IL18: variants seen among roughly 807,000 people sequenced by gnomAD.
IL18 encodes interleukin 18.
IL18 carries 8 observed loss-of-function variants against 14.2 expected under a neutral mutation model. The ratio of observed to expected loss-of-function variants is 0.56; its 90% CI spans 0.33 to 1.01. The LOEUF is 1.01. Among genes scored for constraint, IL18 ranks in the 50% least tolerant of loss-of-function variants. The pLI, the probability that IL18 is intolerant of heterozygous loss-of-function variation, is 0.03. For missense variants in IL18, 166 were observed against 231.1 expected, an observed-to-expected ratio of 0.72 and a Z score of 1.83; for synonymous variants, 67 against 71.0, an observed-to-expected ratio of 0.94 and a Z score of 0.28.
intron 1 of IL18, among the ~76,000 whole-genome samples, chr11:112,163,534 A>G (rs948062549): frequency 9.2e-5 from 14 of 152,228 alleles, no homozygotes; most frequent in African/African-American, 3.1e-4. Flanking sequence ...GCAGATCTAT[A>G]TGGCTTCTAT....
chr11:112,163,590 A>C (rs1485825538), intron 1 of IL18, among the ~76,000 whole-genome samples: 2 of 140,930 alleles, frequency 1.4e-5, no homozygotes, highest in Non-Finnish European at 3.2e-5. Flanking sequence ...GTCACTCTTT[A>C]TGCTTTTTTT....
intron 2 of IL18, among the ~76,000 whole-genome samples, chr11:112,154,601 C>T (rs1461620483): frequency 6.6e-6 from 1 of 152,088 alleles, no homozygotes; most frequent in East Asian, 1.9e-4. Context: ...GAATCTCTTA[C>T]ATAATTTGCC....
intron 4 of IL18, 125 bp downstream of exon 4, chr11:112,149,947 G>A (rs1476592303): frequency 1.1e-6 from 1 of 914,562 alleles, no homozygotes; most frequent in Non-Finnish European, 1.6e-6. Context: ...TCCTGTAAGT[G>A]AAATTATTGT....
At chr11:112,158,178 C>T (rs5744235) in intron 1 of IL18, among the ~76,000 whole-genome samples, 1,618 of 152,046 alleles carry the variant, frequency 0.011, 9 homozygotes, top group Non-Finnish European at 0.018. Flanking sequence ...GTGAGGGGGG[C>T]GGGTTTCTCC....
Position 112,160,680 on chromosome 11 carries a change from T to C in IL18, c.-9+3226A>G, listed in dbSNP as rs5744233. Among the ~76,000 whole-genome samples the C allele has an allele frequency of 6.7e-3, 1,014 of 152,196 alleles. 15 individuals are homozygous for C. Among genetic ancestry groups the C allele is most frequent in the East Asian group, 0.023 (119 of 5,174 alleles). Reference sequence around the variant, plus strand: ...GCCATGACAACAGCGTAGAAAGGGATGTGTAGAATATATATATTTTTTCTA... The same window carrying C: ...GCCATGACAACAGCGTAGAAAGGGACGTGTAGAATATATATATTTTTTCTA... On this transcript the variant is annotated intron_variant, in intron 1 of 5. Transcript: ENST00000280357.
intron 1 of IL18, among the ~76,000 whole-genome samples, chr11:112,159,315 C>A (rs954652742): frequency 6.6e-6 from 1 of 152,074 alleles, no homozygotes; most frequent in Non-Finnish European, 1.5e-5. Flanking sequence ...TCAGCCTGGG[C>A]AGCAAAAGCG....
rs1866485914 is a variant in IL18 at position 112,153,671 on chromosome 11, A to T, written c.80-68T>A. Reference sequence around the variant, plus strand: ...GTATTTCGACTCAGAATTCAATCTCATTCTAGCTTTTACTTTTGCTACTCC... The same window carrying T: ...GTATTTCGACTCAGAATTCAATCTCTTTCTAGCTTTTACTTTTGCTACTCC... On this transcript the variant is annotated intron_variant, in intron 2 of 5. Transcript: ENST00000280357. The T allele has an allele frequency of 7.7e-6, 9 of 1,164,930 alleles. No individual in the cohort carries two copies. The East Asian group carries it at 2.1e-4, about 28-fold the overall frequency. 72.2% of individuals were successfully genotyped at this position (1,164,930 alleles called of 1,614,324 possible). A position where few individuals can be genotyped will look rare whatever the true frequency, so the allele number is the denominator to read the frequency against.
intron 4 of IL18, among the ~76,000 whole-genome samples, chr11:112,149,632 T>C (rs1866404267): frequency 6.8e-6 from 1 of 148,118 alleles, no homozygotes; most frequent in Admixed American, 6.8e-5. Flanking sequence ...GTGCAGTGGC[T>C]ATTCACAGGT....
In IL18 at chr11:112,143,500, T is replaced by C; in HGVS notation, c.*96A>G. ...TTTCACCATGTTGGTCAGGCTGGTC[T>C]TGAACACCTGACCTCTGGTGATCTG... On this transcript the variant is annotated 3_prime_UTR_variant, in exon 6 of 6. Transcript: ENST00000280357. The C allele has an allele frequency of 1.4e-6, 1 of 739,960 alleles. No homozygotes were observed. Among genetic ancestry groups the C allele is most frequent in the Non-Finnish European group, 2.2e-6 (1 of 448,660 alleles). The allele number at this position is 739,960 out of a possible 1,614,324, so 45.8% of individuals were successfully genotyped here. A position where few individuals can be genotyped will look rare whatever the true frequency, so the allele number is the denominator to read the frequency against.
At chr11:112,151,515 C>T (rs920580159) in intron 3 of IL18, among the ~76,000 whole-genome samples, 3 of 152,092 alleles carry the variant, frequency 2.0e-5, no homozygotes, top group Admixed American at 1.3e-4. Context: ...GCACAAAGCT[C>T]TTTATTTTGA....
intron 2 of IL18, among the ~76,000 whole-genome samples, chr11:112,154,033 C>T (rs147315173): frequency 6.6e-6 from 1 of 152,000 alleles, no homozygotes; most frequent in East Asian, 1.9e-4. Flanking sequence ...GATCATAGCT[C>T]ACTGCAGGCT....
chr11:112,145,962 T>C (rs1046494769), intron 5 of IL18, among the ~76,000 whole-genome samples: 2 of 151,652 alleles, frequency 1.3e-5, no homozygotes, highest in Admixed American at 1.3e-4. Flanking sequence ...CCCAATGACC[T>C]TGGAGAACCC....
chr11:112,153,890 A>G (rs961528085), intron 2 of IL18, among the ~76,000 whole-genome samples: 2 of 152,170 alleles, frequency 1.3e-5, no homozygotes, highest in African/African-American at 4.8e-5. Context: ...ATAAAATTAG[A>G]GATTTTACTT....
chr11:112,149,558 G>GTTTTTTTTTTTTTTTTTT (rs561459069), intron 4 of IL18, among the ~76,000 whole-genome samples: 1 of 99,372 alleles, frequency 1.0e-5, no homozygotes, highest in Non-Finnish European at 1.9e-5. Flanking sequence ...CTTTTCTTAA[G>GTTTTTTTTTTTTTTTTTT]TTTTTTTTTT....
chr11:112,160,428 C>A (rs1316659616), intron 1 of IL18, among the ~76,000 whole-genome samples: 5 of 151,772 alleles, frequency 3.3e-5, no homozygotes, highest in Admixed American at 3.3e-4. Flanking sequence ...TTATTCTCTC[C>A]TCAGAGTCCT....
chr11:112,145,332 C>T (rs1308482914), intron 5 of IL18, among the ~76,000 whole-genome samples: 1 of 152,166 alleles, frequency 6.6e-6, no homozygotes, highest in African/African-American at 2.4e-5. Flanking sequence ...AGACCCTAAG[C>T]TGTGGGCATC....
intron 1 of IL18, among the ~76,000 whole-genome samples, chr11:112,162,920 T>C (rs944157626): frequency 1.3e-5 from 2 of 152,204 alleles, no homozygotes; most frequent in African/African-American, 4.8e-5. Context: ...TGAGTAGTTC[T>C]ACAGGCATGC....
chr11:112,148,440 T>C (rs1866378219), intron 5 of IL18, among the ~76,000 whole-genome samples, 163 bp downstream of exon 5: 2 of 152,342 alleles, frequency 1.3e-5, no homozygotes, highest in African/African-American at 4.8e-5. Flanking sequence ...TTCATTTTAA[T>C]GGTTCTCTGC....
Position 112,163,902 on chromosome 11 carries a change from T to C in IL18, c.-9+4A>G, listed in dbSNP as rs1256243975. Reference sequence around the variant, plus strand: ...TCCAAATAAAGAGGAATGATATTTCTTACCTGCGACAAATAGTTTGTTGCG... The same window carrying C: ...TCCAAATAAAGAGGAATGATATTTCCTACCTGCGACAAATAGTTTGTTGCG... On this transcript the variant is annotated splice_donor_region_variant and intron_variant, in intron 1 of 5. Coordinates refer to ENST00000280357, the MANE Select transcript of IL18 (RefSeq NM_001562.4). 6.6e-6 allele frequency: 1 copy of C among 152,400 alleles called. No individual in the cohort carries two copies. The highest frequency in any genetic ancestry group is 1.5e-5 in the Non-Finnish European group (1 of 68,054). 9.4% of individuals were successfully genotyped at this position (152,400 alleles called of 1,614,324 possible).
Sources: gnomAD v4.1 joint callset for allele counts (sites outside exome capture counted in the v4.1 genomes callset) on GRCh38, gnomAD v4.1.1 for gene constraint, MANE v1.5 for transcripts, NCBI Gene and HGNC (gene_info 2026-07-23, HGNC 2026-07-21) for gene names.